DNAI4: variants seen among roughly 807,000 people sequenced by gnomAD.
DNAI4 encodes the protein dynein axonemal intermediate chain 4.
In DNAI4, 85 loss-of-function variants were observed where a neutral mutation model predicts 105.8. The ratio of observed to expected loss-of-function variants is 0.80; its 90% CI spans 0.67 to 0.96. The LOEUF (loss-of-function observed/expected upper bound fraction) is 0.96. Among genes scored for constraint, DNAI4 ranks in the 40% least tolerant of loss-of-function variants. DNAI4 has a pLI of 0.00. For missense variants in DNAI4, 1,014 were observed against 1,005.6 expected, an observed-to-expected ratio of 1.01 and a Z score of -0.11; for synonymous variants, 352 against 331.5, an observed-to-expected ratio of 1.06 and a Z score of -0.67.
chr1:66,863,710 A>G (rs1052782916), intron 6 of DNAI4, among the ~76,000 whole-genome samples: 2 of 152,086 alleles, frequency 1.3e-5, no homozygotes, highest in African/African-American at 4.8e-5. Flanking sequence ...CACCTGCCTT[A>G]GCCTCCCAAA....
chr1:66,886,597 G>A (rs1647207825), intron 4 of DNAI4, among the ~76,000 whole-genome samples: 2 of 152,142 alleles, frequency 1.3e-5, no homozygotes, highest in South Asian at 2.1e-4. Context: ...GAAAGCCTAT[G>A]TCTTGCAATT....
chr1:66,892,352 G>A (rs1647731652), intron 3 of DNAI4, among the ~76,000 whole-genome samples: 2 of 152,278 alleles, frequency 1.3e-5, no homozygotes, highest in South Asian at 4.1e-4. Context: ...ATTTGCATGG[G>A]AGAGGAGGGG....
At chr1:66,917,103 T>G (rs1375820135) in intron 1 of DNAI4, among the ~76,000 whole-genome samples, 1 of 152,250 alleles carries the variant, frequency 6.6e-6, no homozygotes, top group Non-Finnish European at 1.5e-5. Context: ...TTATTTGGTA[T>G]AAAAATTAGA....
In DNAI4 at chr1:66,822,434, A is replaced by G; in HGVS notation, c.2423T>C (p.Leu808Pro). The G allele has an allele frequency of 6.2e-7, 1 of 1,613,778 alleles. No individual in the cohort carries two copies. Among genetic ancestry groups the G allele is most frequent in the South Asian group, 1.1e-5 (1 of 91,038 alleles). ...AACCTGTCCATCACTGTCTCCTACCAGAAGGCAATCTGTTTGTTTGGCAAA... is the reference window on the plus strand; with the variant it reads ...AACCTGTCCATCACTGTCTCCTACCGGAAGGCAATCTGTTTGTTTGGCAAA... ...ILFAKQTDCLLVGDSDGQVSV... is the reference protein window; with the variant it reads ...ILFAKQTDCLPVGDSDGQVSV... Residue 808 changes from leucine (L) to proline (P), a missense_variant, in exon 16 of 17, where the codon CTG (leucine) becomes CCG (proline). By Grantham distance (98) the Leu-to-Pro change is moderately conservative (BLOSUM62 -3). Coordinates refer to ENST00000371026, the MANE Select transcript of DNAI4 (RefSeq NM_024763.5).
Position 66,890,987 on chromosome 1 carries a change from G to A in DNAI4, c.643+167C>T, listed in dbSNP as rs959132644. ...TGATGATTCAAAACAGTCACCCAGG[G>A]AACTTAAAAAAATAGATATTCCCCT... On this transcript the variant is annotated intron_variant, in intron 4 of 16. Transcript: ENST00000371026. The surrounding 1 kb of genome is among the most constrained non-coding windows in gnomAD (Gnocchi z 4.1). 3.2e-6 allele frequency: 2 copies of A among 629,584 alleles called. No homozygotes were observed. The highest frequency in any genetic ancestry group is 5.6e-6 in the Non-Finnish European group (2 of 355,750). The allele number at this position is 629,584 out of a possible 1,614,324, so 39.0% of individuals were successfully genotyped here.
intron 1 of DNAI4, chr1:66,906,949 T>C (rs1649298285): frequency 6.6e-6 from 1 of 152,190 alleles, no homozygotes; most frequent in African/African-American, 2.4e-5. Flanking sequence ...AACTTGTCAC[T>C]GGTGTCTCAG....
chr1:66,908,293 C>T (rs1016682255), intron 1 of DNAI4, among the ~76,000 whole-genome samples: 2 of 152,188 alleles, frequency 1.3e-5, no homozygotes, highest in African/African-American at 4.8e-5. Context: ...TTCTTGCCTC[C>T]CATCCTCTTT....
At chr1:66,834,510 T>C (rs1432926089) in intron 11 of DNAI4, among the ~76,000 whole-genome samples, 2 of 152,128 alleles carry the variant, frequency 1.3e-5, no homozygotes, top group Admixed American at 1.3e-4. Flanking sequence ...ACACATGGAA[T>C]ATAAGTATTT....
Position 66,828,931 on chromosome 1 carries a change from C to T in DNAI4, c.2014-1021G>A, listed in dbSNP as rs907278681. Among the ~76,000 whole-genome samples, 4 of 152,066 alleles carry T rather than the reference C, an allele frequency of 2.6e-5. No homozygotes were observed. In the South Asian group the frequency reaches 6.2e-4, roughly 24 times the overall value. ...ACACCATTTATAAGTGGTCATTTTT[C>T]GCTAGCGATCTTCAAGGTCACTGTT... is the stretch of plus-strand genomic sequence containing the variant. On this transcript the variant is annotated intron_variant, in intron 13 of 16. Coordinates refer to ENST00000371026, the MANE Select transcript of DNAI4 (RefSeq NM_024763.5).
At chr1:66,915,414 C>G (rs562466180) in intron 1 of DNAI4, among the ~76,000 whole-genome samples, 1 of 152,170 alleles carries the variant, frequency 6.6e-6, no homozygotes, top group Non-Finnish European at 1.5e-5. Context: ...TTTTCACTGT[C>G]TCAGTTATAA....
At chr1:66,826,765 T>TCA in intron 15 of DNAI4, 55 bp downstream of exon 15, 1 of 1,502,152 alleles carries the variant, frequency 6.7e-7, no homozygotes, top group South Asian at 1.2e-5. Flanking sequence ...CTATCAGGTA[T>TCA]CACTTAGTTT....
intron 6 of DNAI4, among the ~76,000 whole-genome samples, chr1:66,865,890 C>CA (rs2100628908): frequency 6.6e-6 from 1 of 152,154 alleles, no homozygotes; most frequent in Non-Finnish European, 1.5e-5. Context: ...TAAAGGTTCA[C>CA]AAAAAGGGAG....
chr1:66,893,041 AAG>A (rs1274274809), intron 3 of DNAI4, among the ~76,000 whole-genome samples, 186 bp downstream of exon 3: 5 of 122,816 alleles, frequency 4.1e-5, no homozygotes, highest in South Asian at 2.5e-4. Context: ...AGAGGAAAGA[AAG>A]AAAGAAAGAA....
intron 16 of DNAI4, among the ~76,000 whole-genome samples, chr1:66,817,922 T>G (rs1002541319): frequency 1.3e-5 from 2 of 151,878 alleles, no homozygotes; most frequent in Admixed American, 6.6e-5. Flanking sequence ...CAGGCTTCAT[T>G]CCCTGGCTAA....
At position 66,818,737 on chromosome 1, in the gene DNAI4, C is replaced by G. The variant is rs950687754; in HGVS notation, c.2496+3624G>C. On this transcript the variant is annotated intron_variant, in intron 16 of 16. Transcript: ENST00000371026. ...AGTTCGAGACCAGCCATGGCGAAAC[C>G]CTGTCTCTACTAAAAAAGTACAAAA... Among the ~76,000 whole-genome samples, 11 of 152,122 alleles carry G rather than the reference C, an allele frequency of 7.2e-5. 1 individual carries two copies. Among genetic ancestry groups the G allele is most frequent in the Admixed American group, 4.6e-4 (7 of 15,280 alleles).
chr1:66,857,734 G>A (rs1397944200), intron 7 of DNAI4, among the ~76,000 whole-genome samples: 3 of 151,854 alleles, frequency 2.0e-5, no homozygotes, highest in Non-Finnish European at 4.4e-5. Context: ...GAGTTTCTCC[G>A]TCTGTTGGTC....
At chr1:66,899,109 C>T (rs1648586455) in intron 2 of DNAI4, among the ~76,000 whole-genome samples, 2 of 152,106 alleles carry the variant, frequency 1.3e-5, no homozygotes, top group Admixed American at 6.5e-5. Flanking sequence ...TTTTATTTCT[C>T]TTGGGTATAT....
At chr1:66,875,782 C>A (rs1646947126) in intron 4 of DNAI4, among the ~76,000 whole-genome samples, 1 of 151,944 alleles carries the variant, frequency 6.6e-6, no homozygotes, top group Non-Finnish European at 1.5e-5. Flanking sequence ...GAGAAAAACA[C>A]CTTCCTTATA....
intron 3 of DNAI4, 148 bp downstream of exon 3, chr1:66,893,081 G>GAAAGA (rs1169746531): frequency 1.8e-5 from 7 of 384,022 alleles, no homozygotes; most frequent in Non-Finnish European, 3.2e-5. Flanking sequence ...AAGAAAGAAA[G>GAAAGA]AAAGAAAGAA....
Sources: allele counts gnomAD v4.1 joint callset (sites outside exome capture counted in the v4.1 genomes callset), GRCh38; gene constraint gnomAD v4.1.1; non-coding constraint Gnocchi (gnomAD v3.1); transcripts MANE v1.5; gene names NCBI Gene and HGNC (gene_info 2026-07-23, HGNC 2026-07-21).